The following CACNA1D variants were observed in gnomAD, a reference collection of about 807,000 sequenced individuals.
CACNA1D encodes the protein voltage-dependent L-type calcium channel subunit alpha-1D.
A neutral mutation model predicts 257.1 loss-of-function variants in CACNA1D; 55 were observed. The observed-to-expected ratio is 0.21, with a 90% CI of 0.17 to 0.27. CACNA1D has a LOEUF of 0.27. CACNA1D is among the 10% of genes least tolerant of loss of function. CACNA1D has a pLI of 1.00. For missense variants in CACNA1D, 1,876 were observed against 2,784.0 expected (o/e 0.67, Z 7.34); for synonymous variants, 980 against 1,014.9 (o/e 0.97, Z 0.65).
chr3:53,808,643 TC>T lies in CACNA1D; in HGVS notation c.5750-3del. 6.2e-7 allele frequency: 1 copy of T among 1,606,914 alleles called. No homozygotes were observed. The stretch of plus-strand genomic sequence containing the variant: ...CACAGCTGTGTGATGCCCTTTGCTT[TC>T]CCAGCCCACCGGAGATCCTCCTTCA... On this transcript the variant is annotated splice_polypyrimidine_tract_variant and splice_region_variant and intron_variant, in intron 45 of 47. Coordinates refer to ENST00000350061, the MANE Select transcript of CACNA1D (RefSeq NM_001128840.3).
At chr3:53,519,094 G>A (rs1465913755) in intron 3 of CACNA1D, among the ~76,000 whole-genome samples, 2 of 152,162 alleles carry the variant, frequency 1.3e-5, no homozygotes, top group Non-Finnish European at 2.9e-5. Context: ...CTCACTCCCT[G>A]GCAAGGCACA....
At chr3:53,729,771 C>A (rs2094971352) in intron 15 of CACNA1D, among the ~76,000 whole-genome samples, 2 of 152,172 alleles carry the variant, frequency 1.3e-5, no homozygotes. Context: ...GGGCAAAAAT[C>A]AAGTTCAGGT....
At chr3:53,676,415 A>T (rs2094377526) in intron 8 of CACNA1D, among the ~76,000 whole-genome samples, 1 of 152,150 alleles carries the variant, frequency 6.6e-6, no homozygotes, top group African/African-American at 2.4e-5. Context: ...TTTTTAAGGG[A>T]ACACTAGAGG....
intron 3 of CACNA1D, among the ~76,000 whole-genome samples, chr3:53,639,205 A>G (rs2093919977): frequency 6.6e-6 from 1 of 152,134 alleles, no homozygotes. Context: ...GTTCAAGACC[A>G]GCCTGACCAA....
intron 40 of CACNA1D, among the ~76,000 whole-genome samples, chr3:53,799,635 C>A (rs927522286): frequency 6.6e-6 from 1 of 152,224 alleles, no homozygotes; most frequent in African/African-American, 2.4e-5. Context: ...ATCCTGATGA[C>A]CACGGTGGCC....
intron 3 of CACNA1D, among the ~76,000 whole-genome samples, chr3:53,542,144 G>T (rs967307723): frequency 1.2e-4 from 18 of 151,930 alleles, no homozygotes; most frequent in African/African-American, 1.9e-4. Context: ...GAATTGCATG[G>T]TATGTGAATT....
At chr3:53,733,454 A>G (rs984849139) in intron 19 of CACNA1D, among the ~76,000 whole-genome samples, 6 of 152,144 alleles carry the variant, frequency 3.9e-5, no homozygotes, top group African/African-American at 1.4e-4. Flanking sequence ...CAGTTTTCCC[A>G]ATTGAGTTTT....
intron 3 of CACNA1D, among the ~76,000 whole-genome samples, chr3:53,556,508 T>C (rs1378272538): frequency 6.6e-6 from 1 of 152,196 alleles, no homozygotes; most frequent in Non-Finnish European, 1.5e-5. Context: ...TAATGTTATG[T>C]TATTTCATGC....
intron 9 of CACNA1D, among the ~76,000 whole-genome samples, chr3:53,703,481 G>A (rs974431595): frequency 4.6e-5 from 7 of 152,184 alleles, no homozygotes; most frequent in East Asian, 3.9e-4. Context: ...TGTCAACCAC[G>A]GTGTCTCTTT....
chr3:53,799,932 A>T (rs1330432512), intron 40 of CACNA1D: 1 of 410,096 alleles, frequency 2.4e-6, no homozygotes, highest in Non-Finnish European at 4.6e-6. Context: ...TGTCACTGAG[A>T]CAGGGGCATA....
chr3:53,713,314 G>C (rs2108651321), intron 9 of CACNA1D, among the ~76,000 whole-genome samples: 1 of 152,310 alleles, frequency 6.6e-6, no homozygotes, highest in South Asian at 2.1e-4. Context: ...TAGGGGAAAA[G>C]AGGCACTTGT....
intron 3 of CACNA1D, among the ~76,000 whole-genome samples, chr3:53,527,662 T>C (rs2091813128): frequency 6.6e-6 from 1 of 152,220 alleles, no homozygotes; most frequent in African/African-American, 2.4e-5. Context: ...TCTGTTAACA[T>C]GTGGCCCATT....
intron 3 of CACNA1D, among the ~76,000 whole-genome samples, chr3:53,519,471 A>C (rs978406079): frequency 6.6e-6 from 1 of 152,196 alleles, no homozygotes; most frequent in Non-Finnish European, 1.5e-5. Flanking sequence ...CTTGCTTATA[A>C]TTGAAGCATC....
chr3:53,787,586 G>T (rs3774597), intron 40 of CACNA1D, among the ~76,000 whole-genome samples: 6 of 151,796 alleles, frequency 4.0e-5, no homozygotes, highest in Non-Finnish European at 7.4e-5. Flanking sequence ...GGGCCCTGCT[G>T]CAGGCTCCTA....
At chr3:53,642,089 G>C (rs1198844690) in intron 3 of CACNA1D, among the ~76,000 whole-genome samples, 2 of 152,228 alleles carry the variant, frequency 1.3e-5, no homozygotes, top group African/African-American at 4.8e-5. Flanking sequence ...GGGGAGGGGA[G>C]AGAAGGGAAT....
At chr3:53,730,662 C>CG (rs2094981867) in intron 16 of CACNA1D, 106 bp downstream of exon 16, 1 of 846,438 alleles carries the variant, frequency 1.2e-6, no homozygotes, top group African/African-American at 1.7e-5. Context: ...CTGCAGCCCC[C>CG]GGGTTGCTGC....
chr3:53,668,624 G>A (rs117169964), intron 7 of CACNA1D, among the ~76,000 whole-genome samples: 2 of 152,230 alleles, frequency 1.3e-5, no homozygotes, highest in East Asian at 1.9e-4. Context: ...AACATTCCCC[G>A]AGTTCTACAG....
chr3:53,688,216 C>T (rs917277068), intron 8 of CACNA1D, among the ~76,000 whole-genome samples: 3 of 152,206 alleles, frequency 2.0e-5, no homozygotes, highest in Admixed American at 6.5e-5. Context: ...GGTGGAGGTC[C>T]GCCCAGCTGG....
At chr3:53,568,242 C>T (rs2092882043) in intron 3 of CACNA1D, among the ~76,000 whole-genome samples, 1 of 152,190 alleles carries the variant, frequency 6.6e-6, no homozygotes, top group Non-Finnish European at 1.5e-5. Flanking sequence ...TTGGAAATGT[C>T]ATTCAGCTAC....
Sources: gnomAD v4.1 joint callset for allele counts (sites outside exome capture counted in the v4.1 genomes callset) on GRCh38, gnomAD v4.1.1 for gene constraint, MANE v1.5 for transcripts, NCBI Gene and HGNC (gene_info 2026-07-23, HGNC 2026-07-21) for gene names.